FHOD3: variants seen among roughly 807,000 people sequenced by gnomAD.
The protein encoded by FHOD3 is FH1/FH2 domain-containing protein 3.
A neutral mutation model predicts 173.0 loss-of-function variants in FHOD3; 90 were observed. The observed-to-expected ratio is 0.52, with a 90% CI of 0.44 to 0.62. FHOD3 has a LOEUF of 0.62. Among genes scored for constraint, FHOD3 ranks in the 20% least tolerant of loss-of-function variants. The pLI is 0.00. For missense variants in FHOD3, 1,945 were observed against 2,034.7 expected, an observed-to-expected ratio of 0.96 and a Z score of 0.85; for synonymous variants, 828 against 823.0, an observed-to-expected ratio of 1.01 and a Z score of -0.10.
chr18:36,404,443 C>T (rs562601598), intron 3 of FHOD3, among the ~76,000 whole-genome samples: 1 of 152,280 alleles, frequency 6.6e-6, no homozygotes, highest in South Asian at 2.1e-4. Context: ...AAGACTTGGC[C>T]CAGCAGCTGA....
intron 10 of FHOD3, among the ~76,000 whole-genome samples, chr18:36,642,258 G>A (rs909896168): frequency 2.0e-5 from 3 of 152,142 alleles, no homozygotes; most frequent in South Asian, 2.1e-4. Flanking sequence ...CTATATAACA[G>A]ACATGTATAT....
intron 3 of FHOD3, among the ~76,000 whole-genome samples, chr18:36,412,828 A>G (rs149020888): frequency 2.0e-5 from 3 of 152,298 alleles, no homozygotes; most frequent in Middle Eastern, 3.4e-3. Flanking sequence ...TGATAACAAG[A>G]ATTTTCTCAT....
chr18:36,638,413 A>G (rs1478336898), intron 10 of FHOD3, among the ~76,000 whole-genome samples: 1 of 152,228 alleles, frequency 6.6e-6, no homozygotes, highest in African/African-American at 2.4e-5. Flanking sequence ...CAGGTCCTGC[A>G]GGGCCTGGGA....
intron 14 of FHOD3, among the ~76,000 whole-genome samples, chr18:36,665,622 C>T (rs1397158395): frequency 2.6e-5 from 4 of 152,058 alleles, no homozygotes; most frequent in African/African-American, 7.3e-5. Flanking sequence ...GAAAATGGAG[C>T]GAGTCCATAT....
At chr18:36,383,825 C>T (rs2047902840) in intron 3 of FHOD3, among the ~76,000 whole-genome samples, 1 of 152,184 alleles carries the variant, frequency 6.6e-6, no homozygotes, top group Non-Finnish European at 1.5e-5. Flanking sequence ...GAGCATATGA[C>T]TGAGTTGAGA....
chr18:36,378,960 C>A (rs954542976), intron 3 of FHOD3, among the ~76,000 whole-genome samples: 1 of 152,194 alleles, frequency 6.6e-6, no homozygotes, highest in Non-Finnish European at 1.5e-5. Flanking sequence ...GCTGGGATTA[C>A]AGGCATGAGC....
chr18:36,557,379 A>T (rs1329730509), intron 5 of FHOD3, among the ~76,000 whole-genome samples: 1 of 151,580 alleles, frequency 6.6e-6, no homozygotes, highest in Non-Finnish European at 1.5e-5. Flanking sequence ...GTTTGTTTCT[A>T]TTGCTACATC....
Position 36,453,304 on chromosome 18 carries a change from A to G in FHOD3, c.338-48628A>G, listed in dbSNP as rs7235061. ...TGGCAAAGATTTTAATTTACATGACAGTTTTGGTTCCCCAACACTAAAGTG... is the reference window on the plus strand; with the variant it reads ...TGGCAAAGATTTTAATTTACATGACGGTTTTGGTTCCCCAACACTAAAGTG... On this transcript the variant is annotated intron_variant, in intron 3 of 28. Coordinates refer to ENST00000590592, the MANE Select transcript of FHOD3 (RefSeq NM_001281740.3). Among the ~76,000 whole-genome samples, 807 of 152,344 alleles carry G rather than the reference A, an allele frequency of 5.3e-3. 10 individuals are homozygous for G. Among genetic ancestry groups the G allele is most frequent in the African/African-American group, 0.019 (772 of 41,586 alleles).
At chr18:36,566,677 C>T (rs1445529147) in intron 5 of FHOD3, among the ~76,000 whole-genome samples, 2 of 152,156 alleles carry the variant, frequency 1.3e-5, no homozygotes, top group Non-Finnish European at 2.9e-5. Context: ...GGAGACCAGC[C>T]AGGACCCGCA....
intron 19 of FHOD3, among the ~76,000 whole-genome samples, chr18:36,729,129 C>T (rs902655399): frequency 2.0e-5 from 3 of 152,200 alleles, no homozygotes; most frequent in Admixed American, 2.0e-4. Context: ...TGTTGAGCTC[C>T]CTCAACAACA....
intron 5 of FHOD3, among the ~76,000 whole-genome samples, chr18:36,563,298 G>A (rs891881976): frequency 2.0e-5 from 3 of 152,188 alleles, no homozygotes; most frequent in Admixed American, 6.5e-5. Context: ...GTGGAATCAT[G>A]TCTGAAACCT....
chr18:36,757,452 C>T (rs1057286920), intron 25 of FHOD3, among the ~76,000 whole-genome samples: 1 of 152,180 alleles, frequency 6.6e-6, no homozygotes, highest in African/African-American at 2.4e-5. Context: ...GCTTATATCC[C>T]AAGGACATCA....
intron 19 of FHOD3, among the ~76,000 whole-genome samples, chr18:36,721,217 A>C (rs549677982): frequency 7.9e-5 from 12 of 152,338 alleles, no homozygotes; most frequent in Admixed American, 1.3e-4. Context: ...AAGTTTACCA[A>C]ACTGATTCCA....
chr18:36,299,194 G>A (rs2847519), intron 1 of FHOD3, among the ~76,000 whole-genome samples: 137,635 of 152,194 alleles, frequency 0.9, 62,377 homozygotes, highest in East Asian at 1. Context: ...CCTCTACTTA[G>A]TTAGTAACGT....
At chr18:36,576,421 A>C (rs1210841400) in intron 5 of FHOD3, 30 bp from the exon 6 acceptor site, 6 of 1,509,946 alleles carry the variant, frequency 4.0e-6, no homozygotes, top group Non-Finnish European at 5.5e-6. Flanking sequence ...ATACATCTAT[A>C]ATGTCTCCTT....
At chr18:36,711,132 T>C (rs1189749615) in intron 18 of FHOD3, 1 of 152,212 alleles carries the variant, frequency 6.6e-6, no homozygotes, top group African/African-American at 2.4e-5. Flanking sequence ...TTTTCTGCTT[T>C]GCTTCAGTGC....
intron 3 of FHOD3, among the ~76,000 whole-genome samples, chr18:36,451,848 C>G (rs1455270642): frequency 6.6e-6 from 1 of 152,178 alleles, no homozygotes; most frequent in African/African-American, 2.4e-5. Context: ...ATGAATTTGA[C>G]TGGTTAAGAG....
At chr18:36,322,502 C>T (rs2044449905) in intron 1 of FHOD3, among the ~76,000 whole-genome samples, 1 of 152,070 alleles carries the variant, frequency 6.6e-6, no homozygotes, top group South Asian at 2.1e-4. Context: ...TGGGGCAATC[C>T]TGGAGCCTGT....
intron 6 of FHOD3, among the ~76,000 whole-genome samples, chr18:36,588,936 C>A (rs1025118948): frequency 1.3e-5 from 2 of 152,154 alleles, no homozygotes; most frequent in Non-Finnish European, 2.9e-5. Flanking sequence ...GCCTCCCTGT[C>A]GCAGAGCTGA....
Sources: gnomAD v4.1 joint callset for allele counts (sites outside exome capture counted in the v4.1 genomes callset) on GRCh38, gnomAD v4.1.1 for gene constraint, MANE v1.5 for transcripts, NCBI Gene and HGNC (gene_info 2026-07-23, HGNC 2026-07-21) for gene names.